Variants in AMMECR1L observed in about 807,000 individuals in gnomAD.
AMMECR1L encodes the protein AMMECR1-like protein.
A neutral mutation model predicts 36.8 loss-of-function variants in AMMECR1L; 4 were observed. The ratio of observed to expected loss-of-function variants is 0.11; its 90% CI spans 0.05 to 0.25. AMMECR1L has a LOEUF of 0.25. AMMECR1L is among the 10% of genes least tolerant of loss of function. AMMECR1L has a pLI of 1.00. For missense variants in AMMECR1L, 232 were observed against 392.1 expected (o/e 0.59, Z 3.45); for synonymous variants, 147 against 148.0 (o/e 0.99, Z 0.05).
chr2:127,864,883 T>C lies in AMMECR1L; in HGVS notation c.*211A>G, dbSNP rs1325161364. On this transcript the variant is annotated 3_prime_UTR_variant, in exon 8 of 8. Coordinates refer to ENST00000272647, the MANE Select transcript of AMMECR1L (RefSeq NM_001199140.2). ...ACGGAACCCCATATTGAGGAAAGGC[T>C]GAGATAAGGCTTGGGCCCCTCAAGT... is the stretch of plus-strand genomic sequence containing the variant. 1.0e-5 allele frequency: 4 copies of C among 401,630 alleles called. No individual in the cohort carries two copies. The highest frequency in any genetic ancestry group is 1.8e-5 in the Non-Finnish European group (4 of 221,420). The allele number at this position is 401,630 out of a possible 1,614,324, so 24.9% of individuals were successfully genotyped here.
At position 127,874,294 on chromosome 2, in the gene AMMECR1L, G is replaced by C; in HGVS notation, c.-38-22C>G. On this transcript the variant is annotated intron_variant, in intron 2 of 7. Coordinates refer to ENST00000272647, the MANE Select transcript of AMMECR1L (RefSeq NM_001199140.2). This position sits in a 1 kb window ranked among gnomAD's most constrained non-coding sequence, Gnocchi z 5.2. ...AACCCTAACCAAAATGAGAAGTTAA[G>C]CATTAATTTGACTGGTTAGTTAAAA... The C allele has an allele frequency of 6.3e-7, 1 of 1,579,402 alleles. No homozygotes were observed. The highest frequency in any genetic ancestry group is 1.2e-5 in the South Asian group (1 of 85,820).
In AMMECR1L at chr2:127,871,964, G is replaced by A. The variant is rs1022754121; in HGVS notation, c.408-605C>T. ...AGCACTTTGGGAGGCCAAGGTGGGCGGATCACTTGAGGTAAGGAGTTCTAG... is the reference window on the plus strand; with the variant it reads ...AGCACTTTGGGAGGCCAAGGTGGGCAGATCACTTGAGGTAAGGAGTTCTAG... On this transcript the variant is annotated intron_variant, in intron 3 of 7. Transcript: ENST00000272647. The surrounding 1 kb of genome is among the most constrained non-coding windows in gnomAD (Gnocchi z 4.3). 2.6e-5 allele frequency among the ~76,000 whole-genome samples: 4 copies of A among 152,082 alleles called. No homozygotes were observed. The highest frequency in any genetic ancestry group is 4.4e-5 in the Non-Finnish European group (3 of 68,022).
At chr2:127,867,517 CAGG>C (rs1207080929) in intron 6 of AMMECR1L, among the ~76,000 whole-genome samples, 1 of 152,146 alleles carries the variant, frequency 6.6e-6, no homozygotes, top group Non-Finnish European at 1.5e-5. Context: ...GAGGCTGAGG[CAGG>C]AGGATCACTT....
intron 2 of AMMECR1L, among the ~76,000 whole-genome samples, chr2:127,879,940 C>T (rs1283378601): frequency 6.6e-6 from 1 of 152,180 alleles, no homozygotes; most frequent in East Asian, 1.9e-4. Context: ...ACTTCCCTGC[C>T]AAACTTTATA....
Position 127,865,226 on chromosome 2 carries a change from G to C in AMMECR1L, c.822-21C>G, listed in dbSNP as rs1479938315. On this transcript the variant is annotated intron_variant, in intron 7 of 7. Coordinates refer to ENST00000272647, the MANE Select transcript of AMMECR1L (RefSeq NM_001199140.2). The surrounding 1 kb of genome is among the most constrained non-coding windows in gnomAD (Gnocchi z 5.4). ...GGTACCTGTATGAGGAAACAGGAAA[G>C]GGTATTAGGAACCCCAAACGCTTCA... 3 of 1,574,176 alleles carry C rather than the reference G, an allele frequency of 1.9e-6. No homozygotes were observed. The highest frequency in any genetic ancestry group is 1.7e-4 in the Middle Eastern group (1 of 5,990).
intron 2 of AMMECR1L, among the ~76,000 whole-genome samples, chr2:127,881,667 T>C (rs1277738703): frequency 1.3e-5 from 2 of 152,196 alleles, no homozygotes; most frequent in Admixed American, 6.5e-5. Context: ...CTACTATCTA[T>C]TAAGTGTCTG....
rs1451505849 is a variant in AMMECR1L at position 127,862,082 on chromosome 2, C to T, written c.*3012G>A. On this transcript the variant is annotated 3_prime_UTR_variant, in exon 8 of 8. Transcript: ENST00000272647. ...TCTCACAGTGGAAATAATCCAACAC[C>T]GACAGACTCTAGTGATCAAAGACAT... The T allele has an allele frequency of 6.5e-6, 1 of 152,692 alleles. No individual in the cohort carries two copies. Among genetic ancestry groups the T allele is most frequent in the Non-Finnish European group, 1.5e-5 (1 of 68,018 alleles). 9.5% of individuals were successfully genotyped at this position (152,692 alleles called of 1,614,324 possible). A position where few individuals can be genotyped will look rare whatever the true frequency, so the allele number is the denominator to read the frequency against.
chr2:127,875,906 G>A (rs192483095), intron 2 of AMMECR1L, among the ~76,000 whole-genome samples: 3 of 151,586 alleles, frequency 2.0e-5, no homozygotes, highest in African/African-American at 7.3e-5. Flanking sequence ...TGATCCTCCC[G>A]CCTCAGCTTC....
At chr2:127,880,948 T>A (rs571127528) in intron 2 of AMMECR1L, among the ~76,000 whole-genome samples, 1 of 152,218 alleles carries the variant, frequency 6.6e-6, no homozygotes, top group African/African-American at 2.4e-5. Context: ...AACCAAGGGA[T>A]AGTTTAATAA....
rs1690938051 is a variant in AMMECR1L at position 127,870,987 on chromosome 2, TGCCATAGA to T, written c.519-67_519-60del. 3.0e-5 allele frequency: 39 copies of T among 1,298,282 alleles called. No homozygotes were observed. In the East Asian group the frequency reaches 9.3e-4, roughly 31 times the overall value. 80.4% of individuals were successfully genotyped at this position (1,298,282 alleles called of 1,614,324 possible). On this transcript the variant is annotated intron_variant, in intron 4 of 7. Coordinates refer to ENST00000272647, the MANE Select transcript of AMMECR1L (RefSeq NM_001199140.2). The stretch of plus-strand genomic sequence containing the variant: ...TCTGGAGTCAGGAGCCAATATCAGG[TGCCATAGA>T]GCCCACATATTTATGAATCTTGAGC...
In AMMECR1L at chr2:127,881,295, G is replaced by A. The variant is rs1254001485; in HGVS notation, c.-39+2908C>T. Among the ~76,000 whole-genome samples the A allele has an allele frequency of 2.8e-5, 3 of 108,620 alleles. No homozygotes were observed. In the Admixed American group the frequency reaches 2.8e-4, roughly 10 times the overall value. The allele number at this position is 108,620 out of a possible 152,430, so 71.3% of individuals were successfully genotyped here. On this transcript the variant is annotated intron_variant, in intron 2 of 7. Coordinates refer to ENST00000272647, the MANE Select transcript of AMMECR1L (RefSeq NM_001199140.2). ...TAATACAAACTATTTCTCATACACT[G>A]CTAGTATTTACAAACCAGGTATTGA...
chr2:127,868,179 G>A (rs1690784479), intron 6 of AMMECR1L, among the ~76,000 whole-genome samples: 1 of 152,144 alleles, frequency 6.6e-6, no homozygotes, highest in South Asian at 2.1e-4. Flanking sequence ...ATTCTTAACA[G>A]ATAAAACCAA....
In AMMECR1L at chr2:127,869,960, G is replaced by A. The variant is rs778031389; in HGVS notation, c.634-416C>T. Among the ~76,000 whole-genome samples the A allele has an allele frequency of 3.3e-5, 5 of 152,214 alleles. No individual in the cohort carries two copies. Among genetic ancestry groups the A allele is most frequent in the Non-Finnish European group, 7.3e-5 (5 of 68,036 alleles). On this transcript the variant is annotated intron_variant, in intron 5 of 7. Transcript: ENST00000272647. This position sits in a 1 kb window ranked among gnomAD's most constrained non-coding sequence, Gnocchi z 4.7. ...TGCCTGTAATCCCAACAATTTGGGA[G>A]GCCAAGGCCGTCAGGAGTTTGAGAC...
At chr2:127,876,945 A>T (rs893443421) in intron 2 of AMMECR1L, among the ~76,000 whole-genome samples, 8 of 151,492 alleles carry the variant, frequency 5.3e-5, no homozygotes, top group Admixed American at 1.3e-4. Flanking sequence ...TGAACTCTGG[A>T]GGTGGAAGTT....
rs1690531192 is a variant in AMMECR1L at position 127,862,985 on chromosome 2, A to T, written c.*2109T>A. ...CGGCTTGAGGAGCATGGCACTGTAA[A>T]TGCTTGCATGACCAGTCTCACTGAG... On this transcript the variant is annotated 3_prime_UTR_variant, in exon 8 of 8. Transcript: ENST00000272647. The T allele has an allele frequency of 6.6e-6, 1 of 152,660 alleles. No homozygotes were observed. The highest frequency in any genetic ancestry group is 1.5e-5 in the Non-Finnish European group (1 of 68,048). 9.5% of individuals were successfully genotyped at this position (152,660 alleles called of 1,614,324 possible). A position where few individuals can be genotyped will look rare whatever the true frequency, so the allele number is the denominator to read the frequency against.
In AMMECR1L at chr2:127,873,517, C is replaced by G; in HGVS notation, c.407+311G>C. On this transcript the variant is annotated intron_variant, in intron 3 of 7. Transcript: ENST00000272647. The surrounding 1 kb of genome is among the most constrained non-coding windows in gnomAD (Gnocchi z 5.2). ...CCCCAATGGTATGGCGTGACTTCCCCACTTGAGAGGTTAAATGCCATACCC... is the reference window on the plus strand; with the variant it reads ...CCCCAATGGTATGGCGTGACTTCCCGACTTGAGAGGTTAAATGCCATACCC... 1.0e-6 allele frequency: 1 copy of G among 985,418 alleles called. No individual in the cohort carries two copies. Among genetic ancestry groups the G allele is most frequent in the Non-Finnish European group, 1.2e-6 (1 of 829,926 alleles). 61.0% of individuals were successfully genotyped at this position (985,418 alleles called of 1,614,324 possible). A position where few individuals can be genotyped will look rare whatever the true frequency, so the allele number is the denominator to read the frequency against.
Position 127,873,572 on chromosome 2 carries a change from G to T in AMMECR1L, c.407+256C>A. On this transcript the variant is annotated intron_variant, in intron 3 of 7. Coordinates refer to ENST00000272647, the MANE Select transcript of AMMECR1L (RefSeq NM_001199140.2). The surrounding 1 kb of genome is among the most constrained non-coding windows in gnomAD (Gnocchi z 5.2). ...CCATGTGAACCAACAGAAGAGCCAA[G>T]AATGAACTCACTTGATTTCCAGAAC... 1 of 985,442 alleles carries T rather than the reference G, an allele frequency of 1.0e-6. No homozygotes were observed. 61.0% of individuals were successfully genotyped at this position (985,442 alleles called of 1,614,324 possible).
chr2:127,870,966 G>C, intron 4 of AMMECR1L, 38 bp from the exon 5 acceptor site: 1 of 1,508,376 alleles, frequency 6.6e-7, no homozygotes, highest in Non-Finnish European at 9.1e-7. Context: ...GGCTGCTCTG[G>C]AGTCAGGAGC....
rs1573541264 is a variant in AMMECR1L, at chr2:127,869,443, A to T, written c.724+11T>A. Reference sequence around the variant, plus strand: ...GATACTTGTCATTAAAATCCCATTCATCCAACTCACCTTGTTCCTTAGCAA... The same window carrying T: ...GATACTTGTCATTAAAATCCCATTCTTCCAACTCACCTTGTTCCTTAGCAA... On this transcript the variant is annotated intron_variant, in intron 6 of 7. Transcript: ENST00000272647. The surrounding 1 kb of genome is among the most constrained non-coding windows in gnomAD (Gnocchi z 4.7). 6.2e-7 allele frequency: 1 copy of T among 1,604,826 alleles called. No individual in the cohort carries two copies.
Sources: allele counts gnomAD v4.1 joint callset (sites outside exome capture counted in the v4.1 genomes callset), GRCh38; gene constraint gnomAD v4.1.1; non-coding constraint Gnocchi (gnomAD v3.1); transcripts MANE v1.5; gene names NCBI Gene and HGNC (gene_info 2026-07-23, HGNC 2026-07-21).